ZNF44: variants seen among roughly 807,000 people sequenced by gnomAD.
The protein encoded by ZNF44 is gonadotropin inducible transcription repressor-2.
A neutral mutation model predicts 11.7 loss-of-function variants in ZNF44; 9 were observed. The observed-to-expected ratio is 0.77, with a 90% CI of 0.46 to 1.35. ZNF44 has a LOEUF of 1.35. Ranked by LOEUF, ZNF44 falls within the 40% of genes most tolerant of loss-of-function variation. The probability of loss-of-function intolerance (pLI) is 0.00; values close to 1 mark genes in which losing one functional copy is unlikely to be tolerated. For missense variants in ZNF44, 696 were observed against 743.1 expected, an observed-to-expected ratio of 0.94 and a Z score of 0.74; for synonymous variants, 224 against 242.7, an observed-to-expected ratio of 0.92 and a Z score of 0.72.
chr19:12,259,120 C>T (rs1020261523), intron 5 of ZNF44, among the ~76,000 whole-genome samples: 1 of 152,300 alleles, frequency 6.6e-6, no homozygotes, highest in East Asian at 1.9e-4. Context: ...AGCAATCCAC[C>T]TACCTTGGCC....
At chr19:12,284,551 A>C (rs61391601) in intron 1 of ZNF44, 6 of 710,908 alleles carry the variant, frequency 8.4e-6, no homozygotes, top group East Asian at 2.7e-5. Context: ...GAGGAGATCT[A>C]TCTCTTCTCC....
At chr19:12,233,127 G>T (rs1916229715) in intron 2 of ZNF44, among the ~76,000 whole-genome samples, 1 of 152,080 alleles carries the variant, frequency 6.6e-6, no homozygotes, top group Non-Finnish European at 1.5e-5. Context: ...CCTGACCAGA[G>T]ACATGCACCA....
chr19:12,258,160 CAAAAA>C (rs770370872), intron 5 of ZNF44, among the ~76,000 whole-genome samples: 6 of 55,888 alleles, frequency 1.1e-4, no homozygotes, highest in Non-Finnish European at 2.0e-4. Context: ...CTCATCTCTA[CAAAAA>C]AAAAAAAAAA....
chr19:12,274,449 ATT>A (rs975070630), intron 3 of ZNF44, among the ~76,000 whole-genome samples: 3 of 151,110 alleles, frequency 2.0e-5, no homozygotes, highest in African/African-American at 4.9e-5. Context: ...ATTTTTGTGT[ATT>A]TTTAGTAGAG....
chr19:12,285,964 A>G (rs886627463), intron 1 of ZNF44, among the ~76,000 whole-genome samples: 2 of 142,108 alleles, frequency 1.4e-5, no homozygotes, highest in Non-Finnish European at 3.0e-5. Flanking sequence ...GCTTGCAGTG[A>G]GCCGAGATCA....
At chr19:12,263,919 C>T (rs920482198) in intron 5 of ZNF44, among the ~76,000 whole-genome samples, 13 of 129,150 alleles carry the variant, frequency 1.0e-4, no homozygotes, top group African/African-American at 4.0e-4. Context: ...AGCGAGACTC[C>T]GTCTCAAAAA....
chr19:12,232,755 A>C (rs1277095912), intron 2 of ZNF44, among the ~76,000 whole-genome samples: 1 of 152,198 alleles, frequency 6.6e-6, no homozygotes, highest in Non-Finnish European at 1.5e-5. Flanking sequence ...CTACACAGAC[A>C]CAGCAACAAT....
At position 12,231,254 on chromosome 19, in the gene ZNF44, T is replaced by C. The variant is rs558166978; in HGVS notation, n.381-739A>G. Among the ~76,000 whole-genome samples, 15 of 152,184 alleles carry C rather than the reference T, an allele frequency of 9.9e-5. 1 individual carries two copies. In the South Asian group the frequency reaches 2.7e-3, roughly 27 times the overall value. ...AAAGTGGGGACATGGTTTGTGAGTATGGTGCACTCAGACTACTAGGACACT... is the reference window on the plus strand; with the variant it reads ...AAAGTGGGGACATGGTTTGTGAGTACGGTGCACTCAGACTACTAGGACACT... On this transcript the variant is annotated intron_variant and non_coding_transcript_variant, in intron 2 of 3. Coordinates refer to the ZNF44 transcript ENST00000597563.
chr19:12,234,250 G>T (rs1599484870), intron 2 of ZNF44, among the ~76,000 whole-genome samples: 1 of 152,160 alleles, frequency 6.6e-6, no homozygotes, highest in Admixed American at 6.6e-5. Flanking sequence ...ATCCATGTAT[G>T]AAGTTTCTTA....
chr19:12,261,479 T>TG (rs1170233113), intron 5 of ZNF44, among the ~76,000 whole-genome samples: 9 of 152,028 alleles, frequency 5.9e-5, no homozygotes, highest in Non-Finnish European at 1.3e-4. Flanking sequence ...ATATAAAAAA[T>TG]GAAGTAGCTG....
At chr19:12,269,756 T>C (rs1217857903), downstream of ZNF44, among the ~76,000 whole-genome samples, 1 of 152,178 alleles carries the variant, frequency 6.6e-6, no homozygotes, top group Non-Finnish European at 1.5e-5. Flanking sequence ...CCCAAATTAC[T>C]TACATTATGG....
In ZNF44 at chr19:12,273,993, G is replaced by C. The variant is rs763274118; in HGVS notation, c.262C>G (p.Arg88Gly). The stretch of plus-strand genomic sequence containing the variant: ...GTGTTCTTGTTTACAATACTATTTC[G>C]AATCTGGCTTAAGGTTTCTCCACAC... ...SQCGETLSQIRNSIVNKNTPA... is the reference protein window; with the variant it reads ...SQCGETLSQIGNSIVNKNTPA... Residue 88 changes from arginine (R) to glycine (G), a missense_variant, in exon 4 of 4, where the codon CGA (arginine) becomes GGA (glycine). Arg to Gly is a moderately radical substitution (Grantham distance 125). Coordinates refer to ENST00000355684, the MANE Select transcript of ZNF44 (RefSeq NM_016264.4). 8.7e-6 allele frequency: 14 copies of C among 1,613,734 alleles called. No homozygotes were observed. In the African/African-American group the frequency reaches 1.7e-4, roughly 20 times the overall value.
chr19:12,246,641 T>C (rs1013714994), downstream of ZNF44, among the ~76,000 whole-genome samples: 1 of 152,218 alleles, frequency 6.6e-6, no homozygotes, highest in Non-Finnish European at 1.5e-5. Flanking sequence ...ACTTCTGCAC[T>C]ATTTCTTAAA....
At position 12,264,168 on chromosome 19, in the gene ZNF44, C is replaced by T. The variant is rs78038514; in HGVS notation, c.1912+8319G>A. On this transcript the variant is annotated intron_variant and NMD_transcript_variant, in intron 5 of 7. Coordinates refer to the ZNF44 transcript ENST00000393337. ...TACAATTACAACCCCAGAAGTATCA[C>T]GCTGTTCCCCTCCCCACCACGTACA... Among the ~76,000 whole-genome samples, 138 of 152,288 alleles carry T rather than the reference C, an allele frequency of 9.1e-4. 1 individual carries two copies. Among genetic ancestry groups the T allele is most frequent in the African/African-American group, 3.0e-3 (125 of 41,562 alleles).
rs768405508 is a variant in ZNF44 at position 12,273,635 on chromosome 19, A to G, written c.620T>C (p.Phe207Ser). Residue 207 changes from phenylalanine (F) to serine (S), a missense_variant, in exon 4 of 4, where the codon TTT (phenylalanine) becomes TCT (serine). Phe to Ser is a radical substitution (Grantham distance 155). Transcript: ENST00000355684. The stretch of plus-strand genomic sequence containing the variant: ...ATGCATACGTAATAAACTGGGCCAA[A>G]AAAAGGCTTTCCCACACAATTCACA... ...YKCELCGKAF[F>S]WPSLLRMHER... is the part of the protein sequence containing the mutation. The G allele has an allele frequency of 8.6e-5, 139 of 1,613,634 alleles. 3 individuals carry two copies. The South Asian group carries it at 1.4e-3, about 17-fold the overall frequency.
In ZNF44 at chr19:12,272,894, CCA is replaced by C; in HGVS notation, c.1359_1360del (p.Cys453TrpfsTer5). 6.2e-7 allele frequency: 1 copy of C among 1,614,136 alleles called. No individual in the cohort carries two copies. The highest frequency in any genetic ancestry group is 8.5e-7 in the Non-Finnish European group (1 of 1,180,044). On this transcript the variant is annotated frameshift_variant, in exon 4 of 4. Transcript: ENST00000355684. LOFTEE classifies it low-confidence loss of function (END_TRUNC). ...GGAAAATAAATCACTAAAAGCTTTTCCACATTTACATTTATAGGGTTGCTCTC... is the reference window on the plus strand; with the variant it reads ...GGAAAATAAATCACTAAAAGCTTTTCCATTTACATTTATAGGGTTGCTCTC...
chr19:12,230,692 G>A (rs947554374), intron 2 of ZNF44, among the ~76,000 whole-genome samples: 2 of 152,172 alleles, frequency 1.3e-5, no homozygotes, highest in Admixed American at 6.5e-5. Flanking sequence ...CCTGGGTTTC[G>A]GCACCAAATG....
At chr19:12,276,212 C>G in intron 1 of ZNF44, 130 bp from the exon 2 acceptor site, 1 of 1,397,190 alleles carries the variant, frequency 7.2e-7, no homozygotes, top group Non-Finnish European at 9.9e-7. Context: ...TAAATCCACT[C>G]TTATTCTGTG....
chr19:12,247,211 G>T, downstream of ZNF44: 2 of 991,960 alleles, frequency 2.0e-6, no homozygotes, highest in Non-Finnish European at 2.6e-6. Flanking sequence ...CCTCCAGTAT[G>T]AACTTTCATA....
Sources: gnomAD v4.1 joint callset for allele counts (sites outside exome capture counted in the v4.1 genomes callset) on GRCh38, gnomAD v4.1.1 for gene constraint, MANE v1.5 for transcripts, NCBI Gene and HGNC (gene_info 2026-07-23, HGNC 2026-07-21) for gene names.